STIMATE: variants seen among roughly 807,000 people sequenced by gnomAD.
The protein encoded by STIMATE is store-operated calcium entry regulator STIMATE.
STIMATE carries 15 observed loss-of-function variants against 36.7 expected under a neutral mutation model. The ratio of observed to expected loss-of-function variants is 0.41; its 90% CI spans 0.27 to 0.63. The LOEUF (loss-of-function observed/expected upper bound fraction) is 0.63. Ranked by LOEUF, STIMATE falls within the 20% of genes least tolerant of loss-of-function variation. The pLI, the probability that STIMATE is intolerant of heterozygous loss-of-function variation, is 0.32. For synonymous variants in STIMATE, 163 were observed against 162.3 expected, an observed-to-expected ratio of 1.00 and a Z score of -0.03; for missense variants, 305 against 397.3, an observed-to-expected ratio of 0.77 and a Z score of 1.98.
intron 3 of STIMATE, among the ~76,000 whole-genome samples, chr3:52,851,922 C>T (rs1347642399): frequency 6.6e-6 from 1 of 152,212 alleles, no homozygotes; most frequent in African/African-American, 2.4e-5. Context: ...TATAACCTCT[C>T]TGTGCCTCAG....
chr3:52,852,541 G>T, intron 3 of STIMATE, 62 bp downstream of exon 3: 1 of 1,603,258 alleles, frequency 6.2e-7, no homozygotes, highest in Middle Eastern at 1.7e-4. Flanking sequence ...CAGAAAGCAA[G>T]GCCAGCCTAT....
At chr3:52,875,655 G>A (rs2106709997) in intron 1 of STIMATE, among the ~76,000 whole-genome samples, 1 of 152,324 alleles carries the variant, frequency 6.6e-6, no homozygotes, top group African/African-American at 2.4e-5. Flanking sequence ...TGGGAGTCTT[G>A]AGGTCCACCT....
rs538777742 is a variant in STIMATE, at chr3:52,843,217, A to T, written c.619-257T>A. On this transcript the variant is annotated intron_variant, in intron 6 of 7. Transcript: ENST00000355083. ...TTTTGTTGTGGTAACTAGGGGGAAC[A>T]GCCTGTTTGGGGCCTGGAAGCAAGG... The T allele has an allele frequency of 7.7e-4, 461 of 601,054 alleles. 1 individual carries two copies. Among genetic ancestry groups the T allele is most frequent in the Non-Finnish European group, 1.1e-3 (423 of 373,252 alleles). 37.2% of individuals were successfully genotyped at this position (601,054 alleles called of 1,614,324 possible). A position where few individuals can be genotyped will look rare whatever the true frequency, so the allele number is the denominator to read the frequency against.
chr3:52,883,208 A>C (rs868125374), intron 1 of STIMATE, among the ~76,000 whole-genome samples: 3 of 152,194 alleles, frequency 2.0e-5, no homozygotes, highest in Non-Finnish European at 4.4e-5. Context: ...GGTATTTCTC[A>C]CCGGCTATAG....
intron 1 of STIMATE, among the ~76,000 whole-genome samples, chr3:52,896,570 G>C (rs1184915065): frequency 2.0e-5 from 3 of 152,092 alleles, no homozygotes; most frequent in South Asian, 2.1e-4. Flanking sequence ...AAAATATAAA[G>C]AATAAAAGTG....
At chr3:52,889,921 A>C (rs974081587) in intron 1 of STIMATE, among the ~76,000 whole-genome samples, 1 of 152,196 alleles carries the variant, frequency 6.6e-6, no homozygotes, top group Non-Finnish European at 1.5e-5. Flanking sequence ...AAATGGAATA[A>C]GGAAGGCTCT....
chr3:52,886,533 A>C (rs2106727555), intron 1 of STIMATE, among the ~76,000 whole-genome samples: 1 of 152,348 alleles, frequency 6.6e-6, no homozygotes, highest in South Asian at 2.1e-4. Flanking sequence ...TTGACACGTA[A>C]TGAGTACTCT....
chr3:52,851,109 C>T (rs1700989971), intron 3 of STIMATE, among the ~76,000 whole-genome samples: 1 of 152,352 alleles, frequency 6.6e-6, no homozygotes, highest in Admixed American at 6.5e-5. Flanking sequence ...CTCTGAAGGG[C>T]ATACCACATG....
intron 1 of STIMATE, among the ~76,000 whole-genome samples, chr3:52,861,477 C>G (rs1213933907): frequency 6.6e-6 from 1 of 152,210 alleles, no homozygotes; most frequent in African/African-American, 2.4e-5. Context: ...TGGGCACAGT[C>G]AGACAGATGT....
At chr3:52,881,575 T>C (rs1017947886) in intron 1 of STIMATE, among the ~76,000 whole-genome samples, 3 of 151,790 alleles carry the variant, frequency 2.0e-5, no homozygotes, top group Non-Finnish European at 2.9e-5. Context: ...TGGTGGTGGG[T>C]GCCTGTATCC....
intron 1 of STIMATE, among the ~76,000 whole-genome samples, chr3:52,867,011 C>CG (rs1701324398): frequency 6.6e-6 from 1 of 152,144 alleles, no homozygotes; most frequent in East Asian, 1.9e-4. Context: ...ACAGGGAAGC[C>CG]GGGGTCTCCC....
Position 52,837,701 on chromosome 3 carries a change from C to T in STIMATE, c.*2793G>A, listed in dbSNP as rs1700727787. 6.6e-6 allele frequency: 1 copy of T among 152,250 alleles called. No homozygotes were observed. Among genetic ancestry groups the T allele is most frequent in the Non-Finnish European group, 1.5e-5 (1 of 68,036 alleles). 9.4% of individuals were successfully genotyped at this position (152,250 alleles called of 1,614,324 possible). A position where few individuals can be genotyped will look rare whatever the true frequency, so the allele number is the denominator to read the frequency against. Reference sequence around the variant, plus strand: ...CAAGGTTCCACCACAGGTGGCTTGGCTGAGGTCCAGATTTGGACAAATCAG... The same window carrying T: ...CAAGGTTCCACCACAGGTGGCTTGGTTGAGGTCCAGATTTGGACAAATCAG... On this transcript the variant is annotated 3_prime_UTR_variant, in exon 8 of 8. Coordinates refer to ENST00000355083, the MANE Select transcript of STIMATE (RefSeq NM_198563.5).
Position 52,840,372 on chromosome 3 carries a change from A to T in STIMATE, c.*122T>A. On this transcript the variant is annotated 3_prime_UTR_variant, in exon 8 of 8. Coordinates refer to ENST00000355083, the MANE Select transcript of STIMATE (RefSeq NM_198563.5). ...TGGGGGCAGGCGAGAGCGGGCAGAG[A>T]CAGCAAGAGGAGCAGAGGTAGAAAG... 1 of 1,148,538 alleles carries T rather than the reference A, an allele frequency of 8.7e-7. No individual in the cohort carries two copies. Among genetic ancestry groups the T allele is most frequent in the Non-Finnish European group, 1.2e-6 (1 of 808,342 alleles). 71.1% of individuals were successfully genotyped at this position (1,148,538 alleles called of 1,614,324 possible). A position where few individuals can be genotyped will look rare whatever the true frequency, so the allele number is the denominator to read the frequency against.
intron 1 of STIMATE, among the ~76,000 whole-genome samples, chr3:52,894,669 TGAA>T (rs140411342): frequency 0.022 from 3,331 of 151,568 alleles, 51 homozygotes; most frequent in Non-Finnish European, 0.034. Context: ...ATCAGGGAGG[TGAA>T]GTAAGGAAAA....
intron 2 of STIMATE, among the ~76,000 whole-genome samples, chr3:52,853,991 C>G (rs923209540): frequency 2.0e-5 from 3 of 152,164 alleles, no homozygotes; most frequent in African/African-American, 7.2e-5. Context: ...TGAAGCTTTA[C>G]CACCATTTCA....
At chr3:52,859,673 T>C (rs1317343810) in intron 1 of STIMATE, among the ~76,000 whole-genome samples, 3 of 148,262 alleles carry the variant, frequency 2.0e-5, no homozygotes, top group Non-Finnish European at 4.5e-5. Flanking sequence ...GAAACCCTGA[T>C]TCAAAAAAAA....
chr3:52,839,493 T>A lies in STIMATE; in HGVS notation c.*1001A>T, dbSNP rs1700759883. The A allele has an allele frequency of 6.6e-6, 1 of 152,176 alleles. No homozygotes were observed. Among genetic ancestry groups the A allele is most frequent in the Admixed American group, 6.5e-5 (1 of 15,288 alleles). 9.4% of individuals were successfully genotyped at this position (152,176 alleles called of 1,614,324 possible). ...GGAAACAAAGACCTCTTAGCTAAGC[T>A]CCTTTCTTGGTCAAATTTAACTAAG... is the stretch of plus-strand genomic sequence containing the variant. On this transcript the variant is annotated 3_prime_UTR_variant, in exon 8 of 8. Transcript: ENST00000355083.
intron 1 of STIMATE, among the ~76,000 whole-genome samples, chr3:52,868,905 C>T: frequency 6.6e-6 from 1 of 152,178 alleles, no homozygotes; most frequent in East Asian, 1.9e-4. Context: ...CAGGTGTGAG[C>T]CAATGCACCT....
intron 1 of STIMATE, among the ~76,000 whole-genome samples, chr3:52,887,527 C>T (rs1194055190): frequency 1.3e-5 from 2 of 152,212 alleles, no homozygotes; most frequent in Admixed American, 6.5e-5. Flanking sequence ...TAGACCTACA[C>T]TAAGAAGGAC....
Sources: gnomAD v4.1 joint callset for allele counts (sites outside exome capture counted in the v4.1 genomes callset) on GRCh38, gnomAD v4.1.1 for gene constraint, MANE v1.5 for transcripts, NCBI Gene and HGNC (gene_info 2026-07-23, HGNC 2026-07-21) for gene names.